CUX1: variants seen among roughly 807,000 people sequenced by gnomAD.
The protein encoded by CUX1 is protein CASP.
Under a neutral mutation model 158.8 loss-of-function variants are expected in CUX1, and 31 were observed. The observed-to-expected ratio is 0.20, with a 90% confidence interval of 0.15 to 0.26. The LOEUF is 0.26. CUX1 is among the 10% of genes least tolerant of loss of function. CUX1 has a pLI of 1.00. For synonymous variants in CUX1, 879 were observed against 862.1 expected, an observed-to-expected ratio of 1.02 and a Z score of -0.34; for missense variants, 1,589 against 2,014.6, an observed-to-expected ratio of 0.79 and a Z score of 4.04.
intron 2 of CUX1, among the ~76,000 whole-genome samples, chr7:102,018,521 T>C (rs1371823554): frequency 6.6e-6 from 1 of 152,176 alleles, no homozygotes; most frequent in Non-Finnish European, 1.5e-5. Flanking sequence ...GGCGCTTGCA[T>C]GCCCCTCTCA....
In CUX1 at chr7:102,204,528, A is replaced by G; in HGVS notation, c.3045A>G (p.Leu1015=). ...ACGGCGAGCTAGGCCAGGGTGTTCT[A>G]CCCGTCCAGGGCCAGCAGCAAGGGC... ...WLNGELGQGV[L]PVQGQQQGPV... Residue 1015 remains leucine (L), a synonymous_variant, in exon 19 of 24, where the codon CTA becomes CTG. Transcript: ENST00000292535. 1.2e-6 allele frequency: 2 copies of G among 1,613,418 alleles called. No homozygotes were observed. Among genetic ancestry groups the G allele is most frequent in the Non-Finnish European group, 1.7e-6 (2 of 1,179,988 alleles).
At chr7:102,097,597 T>G in intron 5 of CUX1, 96 bp downstream of exon 5, 5 of 1,284,232 alleles carry the variant, frequency 3.9e-6, no homozygotes, top group African/African-American at 3.0e-5. Flanking sequence ...AGACCAGCTC[T>G]CCTTGTAATA....
chr7:102,133,136 G>A (rs186009238), intron 8 of CUX1, among the ~76,000 whole-genome samples: 2 of 152,138 alleles, frequency 1.3e-5, no homozygotes, highest in African/African-American at 4.8e-5. Context: ...TCTCTCCGTG[G>A]CACCCTCTCT....
At chr7:101,917,656 C>T (rs759589295) in intron 2 of CUX1, among the ~76,000 whole-genome samples, 22 of 152,174 alleles carry the variant, frequency 1.4e-4, no homozygotes, top group Non-Finnish European at 3.1e-4. Flanking sequence ...GGCTTCAGAG[C>T]AGACTTTCCT....
chr7:101,994,700 A>C (rs551982920), intron 2 of CUX1, among the ~76,000 whole-genome samples: 1 of 152,204 alleles, frequency 6.6e-6, no homozygotes, highest in African/African-American at 2.4e-5. Flanking sequence ...CACCTTCGGG[A>C]ATCTGCTTGT....
At chr7:102,066,850 C>T (rs548227039) in intron 3 of CUX1, among the ~76,000 whole-genome samples, 1 of 152,258 alleles carries the variant, frequency 6.6e-6, no homozygotes, top group African/African-American at 2.4e-5. Context: ...TTAGACAGTT[C>T]CCAAAATTTG....
chr7:101,817,654 C>T lies in CUX1; in HGVS notation c.15C>T (p.Ala5=), dbSNP rs751544424. ...CTGCCAGGTGGATGTTGTGCGTAGC[C>T]GGAGCCAGGTTGAAGGTGAGCGGCG... is the stretch of plus-strand genomic sequence containing the variant. MLCV[A]GARLKRELDA... Residue 5 remains alanine (A), a synonymous_variant, in exon 1 of 24, where the codon GCC becomes GCT. Transcript: ENST00000292535. The surrounding 1 kb of genome is among the most constrained non-coding windows in gnomAD (Gnocchi z 4.1). 20 of 1,552,172 alleles carry T rather than the reference C, an allele frequency of 1.3e-5. No homozygotes were observed. The highest frequency in any genetic ancestry group is 1.7e-5 in the Non-Finnish European group (19 of 1,147,808).
upstream of CUX1, chr7:101,816,995 G>A (rs948256942): frequency 1.4e-3 from 1,340 of 984,266 alleles, 2 homozygotes; most frequent in Non-Finnish European, 1.6e-3. Flanking sequence ...GCTCTTTTGT[G>A]TGCCTGTGTC....
chr7:102,221,103 A>G (rs927841979), intron 20 of CUX1, among the ~76,000 whole-genome samples: 2 of 151,496 alleles, frequency 1.3e-5, no homozygotes, highest in African/African-American at 4.9e-5. Context: ...GCCCTTCCAT[A>G]CGTGTCTGTC....
intron 20 of CUX1, among the ~76,000 whole-genome samples, chr7:102,221,806 C>T (rs1476330975): frequency 6.6e-6 from 1 of 150,984 alleles, no homozygotes; most frequent in Admixed American, 6.6e-5. Flanking sequence ...CTTACTATTG[C>T]TGTCAAAACT....
Position 102,249,029 on chromosome 7 carries a change from A to G in CUX1, c.4505A>G (p.Glu1502Gly). 2 of 1,363,020 alleles carry G rather than the reference A, an allele frequency of 1.5e-6. No individual in the cohort carries two copies. The highest frequency in any genetic ancestry group is 1.9e-6 in the Non-Finnish European group (2 of 1,045,074). The allele number at this position is 1,363,020 out of a possible 1,614,324, so 84.4% of individuals were successfully genotyped here. ...EKAASREEPI[E>G]WEF The stretch of plus-strand genomic sequence containing the variant: ...GCCGCCAGCCGGGAGGAACCTATCG[A>G]ATGGGAGTTCTGAGGGGCCGCGGCC... The change falls in exon 24 of 24, where the codon GAA becomes GGA. Residue 1502 changes from glutamate to glycine, a missense_variant. Around this residue, in one of 8 missense-constraint regions of CUX1, gnomAD observed 344 missense variants for 323.7 expected, o/e 1.06. Transcript: ENST00000292535.
intron 8 of CUX1, among the ~76,000 whole-genome samples, chr7:102,146,951 A>G (rs563324158): frequency 6.6e-6 from 1 of 152,264 alleles, no homozygotes; most frequent in Middle Eastern, 3.4e-3. Flanking sequence ...TATAATGGTA[A>G]TCTACAGAGA....
chr7:102,241,521 A>C (rs1185163228), intron 23 of CUX1, among the ~76,000 whole-genome samples: 2 of 152,120 alleles, frequency 1.3e-5, no homozygotes, highest in Non-Finnish European at 1.5e-5. Context: ...GTCAGGCTGG[A>C]GGGGAAGTTG....
intron 2 of CUX1, among the ~76,000 whole-genome samples, chr7:101,931,890 T>C (rs772145812): frequency 2.6e-5 from 4 of 152,244 alleles, no homozygotes; most frequent in Non-Finnish European, 4.4e-5. Flanking sequence ...TTGGCTTTTA[T>C]TGGAATCTCA....
chr7:102,190,856 C>T (rs1442484183), intron 12 of CUX1, among the ~76,000 whole-genome samples: 1 of 152,176 alleles, frequency 6.6e-6, no homozygotes, highest in Non-Finnish European at 1.5e-5. Context: ...TCTGCCTAGA[C>T]CTTGAGTCCC....
At chr7:101,885,535 G>A (rs1054185026) in intron 1 of CUX1, among the ~76,000 whole-genome samples, 1 of 152,102 alleles carries the variant, frequency 6.6e-6, no homozygotes, top group Non-Finnish European at 1.5e-5. Context: ...CTCCAGCCTG[G>A]GCGACAGAGC....
chr7:102,246,065 G>A (rs995972905), intron 23 of CUX1, among the ~76,000 whole-genome samples: 1 of 152,100 alleles, frequency 6.6e-6, no homozygotes, highest in Non-Finnish European at 1.5e-5. Flanking sequence ...TGCACAGCTA[G>A]TAAGCACCTT....
intron 20 of CUX1, among the ~76,000 whole-genome samples, chr7:102,215,111 A>G (rs1346339507): frequency 6.6e-6 from 1 of 152,146 alleles, no homozygotes; most frequent in African/African-American, 2.4e-5. Flanking sequence ...AGGCCTTCTC[A>G]TTCCAGAGTT....
chr7:102,144,880 G>A (rs1405293240), intron 8 of CUX1, among the ~76,000 whole-genome samples: 1 of 151,764 alleles, frequency 6.6e-6, no homozygotes, highest in East Asian at 1.9e-4. Flanking sequence ...TTGAGGTCAG[G>A]AGCTTGAAAA....
Sources: gnomAD v4.1 joint callset for allele counts (sites outside exome capture counted in the v4.1 genomes callset) on GRCh38, gnomAD v4.1.1 for gene constraint, gnomAD v4.1.1 regional missense constraint, Gnocchi (gnomAD v3.1) non-coding constraint, MANE v1.5 for transcripts, NCBI Gene and HGNC (gene_info 2026-07-23, HGNC 2026-07-21) for gene names.